The following RNF213 variants were observed in gnomAD, a reference collection of about 807,000 sequenced individuals.
The protein encoded by RNF213 is ring finger protein 213.
RNF213 carries 341 observed loss-of-function variants against 514.4 expected under a neutral mutation model. That is an observed-to-expected ratio of 0.66 (90% CI 0.61 to 0.73). The LOEUF is 0.73. Ranked by LOEUF, RNF213 falls within the 30% of genes least tolerant of loss-of-function variation. The probability of loss-of-function intolerance (pLI) is 0.00; values close to 1 mark genes in which losing one functional copy is unlikely to be tolerated. For missense variants in RNF213, 5,767 were observed against 6,615.6 expected (o/e 0.87, Z 4.45); for synonymous variants, 2,655 against 2,658.2 (o/e 1.00, Z 0.04).
In RNF213 at chr17:80,298,225, T is replaced by C. The variant is rs371096422; in HGVS notation, c.2013-96T>C. ...CACGCGCGGTGCTCCTCTTGCTCTG[T>C]GTGCACGGTGCTTGCTTCCTGTTGG... On this transcript the variant is annotated intron_variant, in intron 10 of 67. Transcript: ENST00000582970. 127 of 1,269,976 alleles carry C rather than the reference T, an allele frequency of 1.0e-4. 2 individuals are homozygous for C. In the African/African-American group the frequency reaches 1.5e-3, roughly 15 times the overall value. 78.7% of individuals were successfully genotyped at this position (1,269,976 alleles called of 1,614,324 possible). A position where few individuals can be genotyped will look rare whatever the true frequency, so the allele number is the denominator to read the frequency against.
chr17:80,349,233 A>G (rs1176422689), intron 29 of RNF213, among the ~76,000 whole-genome samples: 3 of 152,180 alleles, frequency 2.0e-5, no homozygotes, highest in Non-Finnish European at 4.4e-5. Context: ...CGCCGGGGAC[A>G]GGTTTCTATG....
At chr17:80,298,918 G>C (rs1326119273) in intron 11 of RNF213, 3 of 286,368 alleles carry the variant, frequency 1.0e-5, no homozygotes, top group African/African-American at 6.6e-5. Flanking sequence ...GGTGGAGGTT[G>C]CAGTGAGCTG....
chr17:80,347,397 A>C lies in RNF213; in HGVS notation c.9062A>C (p.Asn3021Thr). ...AGCCCCATGCAGCTGATCAAACAGA[A>C]CATCTTTGGGCCTTCTCAGAAGGTG... Reference protein sequence around the residue: ...EVSPMQLIKQNIFGPSQKVPG... With the variant: ...EVSPMQLIKQTIFGPSQKVPG... Residue 3021 changes from asparagine (N) to threonine (T), a missense_variant, in exon 29 of 68, where the codon AAC becomes ACC. Around this residue, in one of 13 missense-constraint regions of RNF213, gnomAD observed 919 missense variants for 1,121.0 expected, o/e 0.82. Transcript: ENST00000582970. The surrounding 1 kb of genome is among the most constrained non-coding windows in gnomAD (Gnocchi z 7.2). The C allele has an allele frequency of 6.2e-7, 1 of 1,613,932 alleles. No individual in the cohort carries two copies. Among genetic ancestry groups the C allele is most frequent in the Non-Finnish European group, 8.5e-7 (1 of 1,180,036 alleles).
intron 3 of RNF213, among the ~76,000 whole-genome samples, chr17:80,283,227 A>G (rs949997830): frequency 3.9e-5 from 6 of 152,178 alleles, no homozygotes; most frequent in Admixed American, 3.9e-4. Flanking sequence ...GCACTCGGCC[A>G]GTCCTCACCG....
intron 11 of RNF213, among the ~76,000 whole-genome samples, chr17:80,303,301 G>A (rs1379097706): frequency 1.3e-5 from 2 of 152,220 alleles, no homozygotes; most frequent in Non-Finnish European, 1.5e-5. Flanking sequence ...GGTAATGACT[G>A]CAGCACTCTG....
intron 3 of RNF213, among the ~76,000 whole-genome samples, chr17:80,279,946 G>A (rs568910763): frequency 1.3e-5 from 2 of 152,304 alleles, no homozygotes; most frequent in South Asian, 4.1e-4. Flanking sequence ...AGAGGGCGAC[G>A]GCCTCCCTGC....
intron 31 of RNF213, 99 bp from the exon 32 acceptor site, chr17:80,351,586 C>T (rs2078517108): frequency 2.8e-6 from 2 of 714,944 alleles, no homozygotes; most frequent in Non-Finnish European, 5.0e-6. Context: ...GCTCGGAGAA[C>T]ACCCTTCTGC....
intron 8 of RNF213, 48 bp from the exon 9 acceptor site, chr17:80,294,672 G>T: frequency 6.2e-7 from 1 of 1,608,208 alleles, no homozygotes; most frequent in South Asian, 1.1e-5. Context: ...TAGGTCTCCA[G>T]GGTTTTGATG....
In RNF213 at chr17:80,346,282, G is replaced by A; in HGVS notation, c.7947G>A (p.Arg2649=). ...TGGAGCGCTGTGTGAAAGTTTTCAG[G>A]TGGTTCCACGAGCACAGCGCGATGC... ...RDVERCVKVF[R]WFHEHSAMLL... The change falls in exon 29 of 68, where the codon AGG becomes AGA. Residue 2649 remains arginine (R), a synonymous_variant. Transcript: ENST00000582970. The surrounding 1 kb of genome is among the most constrained non-coding windows in gnomAD (Gnocchi z 8.1). The A allele has an allele frequency of 6.2e-7, 1 of 1,614,124 alleles. No individual in the cohort carries two copies. Among genetic ancestry groups the A allele is most frequent in the Non-Finnish European group, 8.5e-7 (1 of 1,180,018 alleles).
At chr17:80,366,260 C>G (rs949221265) in intron 42 of RNF213, among the ~76,000 whole-genome samples, 7 of 152,172 alleles carry the variant, frequency 4.6e-5, no homozygotes, top group Non-Finnish European at 8.8e-5. Flanking sequence ...GGATATGTAC[C>G]TTGAAGGGGA....
Position 80,288,759 on chromosome 17 carries a change from C to T in RNF213, c.933+4C>T, listed in dbSNP as rs754663699. 31 of 1,614,002 alleles carry T rather than the reference C, an allele frequency of 1.9e-5. No individual in the cohort carries two copies. Among genetic ancestry groups the T allele is most frequent in the Middle Eastern group, 1.7e-4 (1 of 5,994 alleles). On this transcript the variant is annotated splice_donor_region_variant and intron_variant, in intron 5 of 67. Coordinates refer to ENST00000582970, the MANE Select transcript of RNF213 (RefSeq NM_001256071.3). The surrounding 1 kb of genome is among the most constrained non-coding windows in gnomAD (Gnocchi z 4.9). ...TCCTTTCAAAACACACTGCCAGGTG[C>T]GTCTCCTTCCTGCCTGCCGGCTCCA...
rs1261611639 is a variant in RNF213 at position 80,361,852 on chromosome 17, C to T, written c.11319C>T (p.Leu3773=). ...LLQCYLKDFI[L]LTMRVSTEEE... ...AGTGTTACTTGAAGGATTTCATTCT[C>T]TTGACCATGCGTGTGTCAACGGAGG... Residue 3773 remains leucine, a synonymous_variant, in exon 39 of 68, where the codon CTC becomes CTT. Transcript: ENST00000582970. The T allele has an allele frequency of 6.2e-7, 1 of 1,613,802 alleles. No homozygotes were observed. Among genetic ancestry groups the T allele is most frequent in the Non-Finnish European group, 8.5e-7 (1 of 1,179,782 alleles).
At chr17:80,320,033 T>C in intron 17 of RNF213, 6 of 1,022,924 alleles carry the variant, frequency 5.9e-6, no homozygotes, top group South Asian at 3.9e-5. Context: ...TGAGATATTG[T>C]TCGTATGCCA....
chr17:80,314,188 TGAA>T (rs1459395829), intron 15 of RNF213, among the ~76,000 whole-genome samples: 4 of 123,760 alleles, frequency 3.2e-5, no homozygotes, highest in Admixed American at 7.5e-5. Flanking sequence ...ATGGTGGTGG[TGAA>T]GGTGATGGTG....
chr17:80,361,979 G>GAGCTGGTGCTCC, intron 39 of RNF213, 91 bp downstream of exon 39: 1 of 1,426,016 alleles, frequency 7.0e-7, no homozygotes, highest in Non-Finnish European at 9.8e-7. Flanking sequence ...CAGCTGCCTG[G>GAGCTGGTGCTCC]AGCTGGTGCT....
At chr17:80,340,619 T>TTG (rs2078127903) in intron 26 of RNF213, 1 of 406,888 alleles carries the variant, frequency 2.5e-6, no homozygotes, top group Non-Finnish European at 4.3e-6. Context: ...GTTTTTTTTT[T>TTG]TTTTTTTTTT....
intron 5 of RNF213, among the ~76,000 whole-genome samples, chr17:80,289,008 G>A (rs1478053849): frequency 6.6e-6 from 1 of 152,172 alleles, no homozygotes; most frequent in Non-Finnish European, 1.5e-5. Flanking sequence ...CCCACAGCCC[G>A]AGTGGCCGGG....
chr17:80,379,778 C>A lies in RNF213; in HGVS notation c.13640+64C>A, dbSNP rs1450430011. On this transcript the variant is annotated intron_variant, in intron 55 of 67. Transcript: ENST00000582970. ...TTTGGGGTGTTGGGCTGTTTTTATT[C>A]CAGCTGATAAAGTGATACTCAAGAT... 5 of 1,329,316 alleles carry A rather than the reference C, an allele frequency of 3.8e-6. No individual in the cohort carries two copies. In the African/African-American group the frequency reaches 4.3e-5, roughly 12 times the overall value. The allele number at this position is 1,329,316 out of a possible 1,614,324, so 82.3% of individuals were successfully genotyped here.
chr17:80,364,392 G>T, intron 41 of RNF213, 41 bp from the exon 42 acceptor site: 2 of 1,613,532 alleles, frequency 1.2e-6, no homozygotes, highest in Non-Finnish European at 1.7e-6. Flanking sequence ...GTTCCTTGGT[G>T]GGAGCCGAGT....
Sources: gnomAD v4.1 joint callset for allele counts (sites outside exome capture counted in the v4.1 genomes callset) on GRCh38, gnomAD v4.1.1 for gene constraint, gnomAD v4.1.1 regional missense constraint, Gnocchi (gnomAD v3.1) non-coding constraint, MANE v1.5 for transcripts, NCBI Gene and HGNC (gene_info 2026-07-23, HGNC 2026-07-21) for gene names.